Variants in LRP1B observed in about 807,000 individuals in gnomAD.
LRP1B encodes low-density lipoprotein receptor-related protein 1B.
A neutral mutation model predicts 556.6 loss-of-function variants in LRP1B; 217 were observed. The ratio of observed to expected loss-of-function variants is 0.39; its 90% confidence interval spans 0.35 to 0.44. The LOEUF (loss-of-function observed/expected upper bound fraction) is 0.44, where lower values mean the gene tolerates loss of function less well. LRP1B is among the 20% of genes least tolerant of loss of function. LRP1B has a pLI of 1.00. For synonymous variants in LRP1B, 2,047 were observed against 1,865.8 expected, an observed-to-expected ratio of 1.10 and a Z score of -2.50; for missense variants, 5,053 against 5,620.8, an observed-to-expected ratio of 0.90 and a Z score of 3.23.
intron 7 of LRP1B, among the ~76,000 whole-genome samples, chr2:141,098,194 C>A (rs924003102): frequency 6.6e-6 from 1 of 152,076 alleles, no homozygotes; most frequent in Admixed American, 6.5e-5. Context: ...TTTCTATGGT[C>A]CTGATTCAAA....
intron 3 of LRP1B, among the ~76,000 whole-genome samples, chr2:141,394,566 T>C (rs562474495): frequency 2.7e-4 from 41 of 152,240 alleles, no homozygotes; most frequent in Admixed American, 2.4e-3. Context: ...CTTCAAAGTG[T>C]CTACAATGCA....
intron 5 of LRP1B, among the ~76,000 whole-genome samples, chr2:141,233,208 A>G (rs1683535557): frequency 6.6e-6 from 1 of 152,206 alleles, no homozygotes; most frequent in Admixed American, 6.5e-5. Context: ...ATGAACATTA[A>G]CCTTCCACAT....
At chr2:141,784,664 T>A (rs1486554039) in intron 2 of LRP1B, among the ~76,000 whole-genome samples, 1 of 151,908 alleles carries the variant, frequency 6.6e-6, no homozygotes, top group Non-Finnish European at 1.5e-5. Flanking sequence ...GATTGTTCAA[T>A]TTGTCACCCC....
intron 3 of LRP1B, among the ~76,000 whole-genome samples, chr2:141,332,331 G>T (rs1687683740): frequency 6.6e-6 from 1 of 151,614 alleles, no homozygotes; most frequent in Admixed American, 6.6e-5. Context: ...GTCTCATCTT[G>T]GAATCTCACT....
intron 86 of LRP1B, among the ~76,000 whole-genome samples, chr2:140,259,014 T>C (rs1473615147): frequency 2.0e-5 from 3 of 152,162 alleles, no homozygotes; most frequent in African/African-American, 7.2e-5. Context: ...TCAAATGTTA[T>C]CAGTGTTCCC....
chr2:141,865,607 AG>A (rs1698387909), intron 1 of LRP1B, among the ~76,000 whole-genome samples: 6 of 128,020 alleles, frequency 4.7e-5, no homozygotes, highest in African/African-American at 1.0e-4. Flanking sequence ...AAAAAAAAAA[AG>A]AAAAAAAAAA....
intron 31 of LRP1B, among the ~76,000 whole-genome samples, chr2:140,835,126 A>T (rs563716728): frequency 6.6e-6 from 1 of 152,336 alleles, no homozygotes; most frequent in South Asian, 2.1e-4. Context: ...TTTTGAGATG[A>T]CTACTCAGAG....
At chr2:141,184,856 G>A (rs759828025) in intron 7 of LRP1B, among the ~76,000 whole-genome samples, 5 of 149,744 alleles carry the variant, frequency 3.3e-5, no homozygotes, top group Non-Finnish European at 4.4e-5. Flanking sequence ...TTCTTCCCTA[G>A]GCTACACTTC....
chr2:141,214,061 A>T (rs1360953426), intron 6 of LRP1B, among the ~76,000 whole-genome samples: 2 of 152,106 alleles, frequency 1.3e-5, no homozygotes, highest in East Asian at 3.9e-4. Context: ...AATATTTTTG[A>T]TCGATGGTTG....
At chr2:141,264,083 T>C (rs1684798997) in intron 3 of LRP1B, among the ~76,000 whole-genome samples, 2 of 152,200 alleles carry the variant, frequency 1.3e-5, no homozygotes, top group East Asian at 3.8e-4. Context: ...TATTGAAGTT[T>C]GTAACCAGTG....
intron 7 of LRP1B, among the ~76,000 whole-genome samples, chr2:141,069,954 T>TC (rs1001409459): frequency 2.9e-5 from 2 of 70,030 alleles, no homozygotes; most frequent in African/African-American, 1.1e-4. Context: ...ACCTCCCCCC[T>TC]CCCCCCACCC....
rs183513761 is a variant in LRP1B, at chr2:141,008,021, C to T, written c.2381-2564G>A. ...GATCTTTATTTTAATAGTGACCCAACGTATTTTTGAATTTCATTAATATGT... is the reference window on the plus strand; with the variant it reads ...GATCTTTATTTTAATAGTGACCCAATGTATTTTTGAATTTCATTAATATGT... On this transcript the variant is annotated intron_variant, in intron 14 of 90. Coordinates refer to ENST00000389484, the MANE Select transcript of LRP1B (RefSeq NM_018557.3). Among the ~76,000 whole-genome samples, 10 of 151,412 alleles carry T rather than the reference C, an allele frequency of 6.6e-5. No homozygotes were observed. The South Asian group carries it at 1.0e-3, about 16-fold the overall frequency.
At chr2:141,923,444 A>ATGTG (rs1273192375) in intron 1 of LRP1B, among the ~76,000 whole-genome samples, 11 of 64,318 alleles carry the variant, frequency 1.7e-4, no homozygotes, top group African/African-American at 5.9e-4. Flanking sequence ...GATTATATAT[A>ATGTG]TATGTGTGTG....
intron 67 of LRP1B, among the ~76,000 whole-genome samples, chr2:140,379,366 T>G (rs1013000632): frequency 3.3e-5 from 5 of 152,138 alleles, no homozygotes. Context: ...TCTTGATGGT[T>G]TGGTATCATG....
chr2:141,741,581 AT>A (rs544897791), intron 2 of LRP1B, among the ~76,000 whole-genome samples: 1 of 152,164 alleles, frequency 6.6e-6, no homozygotes, highest in South Asian at 2.1e-4. Context: ...CCTGTTTGCC[AT>A]TTGTATGTCT....
intron 22 of LRP1B, among the ~76,000 whole-genome samples, chr2:140,905,047 G>A (rs1159269438): frequency 1.3e-5 from 2 of 152,044 alleles, no homozygotes; most frequent in African/African-American, 4.8e-5. Context: ...CCCTAAACCT[G>A]TCATTAATCC....
chr2:140,418,232 G>A (rs562958448), intron 66 of LRP1B, among the ~76,000 whole-genome samples: 8 of 152,274 alleles, frequency 5.3e-5, no homozygotes, highest in South Asian at 2.1e-4. Flanking sequence ...TTCAAACATC[G>A]CAGAGATTTT....
At chr2:140,843,648 C>T (rs1692189186) in intron 29 of LRP1B, among the ~76,000 whole-genome samples, 1 of 152,178 alleles carries the variant, frequency 6.6e-6, no homozygotes, top group African/African-American at 2.4e-5. Context: ...CCCATCTCCA[C>T]TTGCCTGAAT....
intron 1 of LRP1B, among the ~76,000 whole-genome samples, chr2:141,903,787 C>A (rs916813511): frequency 2.0e-5 from 3 of 151,822 alleles, no homozygotes; most frequent in Non-Finnish European, 4.4e-5. Context: ...AATGTGATAA[C>A]AAATAACTTT....
Sources: allele counts gnomAD v4.1 joint callset (sites outside exome capture counted in the v4.1 genomes callset), GRCh38; gene constraint gnomAD v4.1.1; transcripts MANE v1.5; gene names NCBI Gene and HGNC (gene_info 2026-07-23, HGNC 2026-07-21).